The following CSMD1 variants were observed in gnomAD, a reference collection of about 807,000 sequenced individuals.
CSMD1 encodes CUB and sushi domain-containing protein 1.
Under a neutral mutation model 417.5 loss-of-function variants are expected in CSMD1, and 213 were observed. The observed-to-expected ratio is 0.51, with a 90% CI of 0.46 to 0.57. CSMD1 has a LOEUF of 0.57. CSMD1 is among the 20% of genes least tolerant of loss of function. The pLI is 0.00. For synonymous variants in CSMD1, 2,862 were observed against 1,736.8 expected, an observed-to-expected ratio of 1.65 and a Z score of -16.11; for missense variants, 6,923 against 4,529.7, an observed-to-expected ratio of 1.53 and a Z score of -15.17.
At chr8:3,598,812 G>T (rs541633276) in intron 8 of CSMD1, among the ~76,000 whole-genome samples, 1 of 152,290 alleles carries the variant, frequency 6.6e-6, no homozygotes, top group East Asian at 1.9e-4. Flanking sequence ...GCCAGGTGCA[G>T]TGACTCACGC....
chr8:3,342,747 G>A (rs1807741672), intron 23 of CSMD1, among the ~76,000 whole-genome samples: 1 of 152,084 alleles, frequency 6.6e-6, no homozygotes, highest in African/African-American at 2.4e-5. Context: ...TCTTAAAACT[G>A]TTATCTCTGG....
intron 2 of CSMD1, among the ~76,000 whole-genome samples, chr8:4,602,595 A>C (rs888984484): frequency 1.3e-5 from 2 of 152,246 alleles, no homozygotes; most frequent in African/African-American, 4.8e-5. Context: ...ACAAGTAAAG[A>C]AATATTCTAT....
chr8:3,181,123 G>C lies in CSMD1; in HGVS notation c.5712C>G (p.His1904Gln), dbSNP rs768724638. ...AGTTGACCTTACTTTTGTATTCCAG[G>C]TGGAAACCAGCAGCTGCCACACTAA... Reference protein sequence around the residue: ...SDISVAAAGFHLEYKTVGLAA... With the variant: ...SDISVAAAGFQLEYKTVGLAA... Residue 1904 changes from histidine (H) to glutamine (Q), a missense_variant, in exon 37 of 70, where the codon CAC becomes CAG. By Grantham distance (24) the His-to-Gln change is conservative. Transcript: ENST00000635120. 1.9e-6 allele frequency: 3 copies of C among 1,612,908 alleles called. No homozygotes were observed. The highest frequency in any genetic ancestry group is 2.5e-6 in the Non-Finnish European group (3 of 1,179,168).
At chr8:3,012,437 A>C (rs978167476) in intron 52 of CSMD1, among the ~76,000 whole-genome samples, 1 of 152,198 alleles carries the variant, frequency 6.6e-6, no homozygotes, top group African/African-American at 2.4e-5. Context: ...CCATGTTGGA[A>C]GTCACTGGAA....
intron 4 of CSMD1, among the ~76,000 whole-genome samples, chr8:4,005,362 G>C (rs1297008596): frequency 1.3e-5 from 2 of 152,160 alleles, no homozygotes. Flanking sequence ...TGCAGGGGCG[G>C]GTCCGGCTCC....
At chr8:4,994,189 G>T (rs1432751304) in intron 1 of CSMD1, 143 bp downstream of exon 1, 12 of 693,178 alleles carry the variant, frequency 1.7e-5, no homozygotes, top group African/African-American at 5.3e-5. Context: ...CGTGCATCGC[G>T]TTCCCCGAGC....
Position 3,761,692 on chromosome 8 carries a change from G to T in CSMD1, c.819-7650C>A, listed in dbSNP as rs777906118. Among the ~76,000 whole-genome samples, 21 of 151,974 alleles carry T rather than the reference G, an allele frequency of 1.4e-4. 1 individual carries two copies. Among genetic ancestry groups the T allele is most frequent in the Admixed American group, 1.3e-3 (20 of 15,248 alleles). On this transcript the variant is annotated intron_variant, in intron 5 of 69. Transcript: ENST00000635120. ...GGCTAATTTTTGTATTTTTAGTAGA[G>T]ATGAGGTTTCACCATGTTGGCCAGG...
At position 3,507,204 on chromosome 8, in the gene CSMD1, T is replaced by C. The variant is rs531647272; in HGVS notation, c.1345-13478A>G. ...CTCAATTGTGAATCATCATGAAATC[T>C]ATTTTGTAACATTAGGTAACCTATA... On this transcript the variant is annotated intron_variant, in intron 10 of 69. Transcript: ENST00000635120. Among the ~76,000 whole-genome samples the C allele has an allele frequency of 1.1e-4, 17 of 152,336 alleles. No individual in the cohort carries two copies. In the East Asian group the frequency reaches 2.7e-3, roughly 24 times the overall value.
Position 3,998,902 on chromosome 8 carries a change from G to C in CSMD1, c.611-792C>G, listed in dbSNP as rs553309468. The stretch of plus-strand genomic sequence containing the variant: ...TATATAACATATAATCTATATGGTA[G>C]TTTATATATAAATAACAAACTATAT... On this transcript the variant is annotated intron_variant, in intron 4 of 69. Coordinates refer to ENST00000635120, the MANE Select transcript of CSMD1 (RefSeq NM_033225.6). Among the ~76,000 whole-genome samples the C allele has an allele frequency of 8.1e-5, 12 of 148,500 alleles. No individual in the cohort carries two copies. In the South Asian group the frequency reaches 2.6e-3, roughly 32 times the overall value.
At chr8:4,044,827 T>C (rs949487824) in intron 3 of CSMD1, among the ~76,000 whole-genome samples, 2 of 152,166 alleles carry the variant, frequency 1.3e-5, no homozygotes, top group African/African-American at 2.4e-5. Context: ...CCTCGATGAG[T>C]AGCACCCCAG....
At chr8:3,938,247 G>GT (rs1810638664) in intron 5 of CSMD1, among the ~76,000 whole-genome samples, 1 of 151,880 alleles carries the variant, frequency 6.6e-6, no homozygotes. Flanking sequence ...ATGCTTTACT[G>GT]TTTAAAAAAA....
intron 48 of CSMD1, among the ~76,000 whole-genome samples, chr8:3,088,438 A>G (rs976783257): frequency 6.6e-6 from 1 of 152,214 alleles, no homozygotes; most frequent in African/African-American, 2.4e-5. Context: ...AAAAGCACAC[A>G]CACGCAGGTC....
chr8:3,635,812 A>AAAAAAAAAAAAAAAAAAAG (rs1554495065), intron 7 of CSMD1, among the ~76,000 whole-genome samples: 2 of 117,620 alleles, frequency 1.7e-5, no homozygotes, highest in African/African-American at 3.3e-5. Context: ...AAAAAAAAAA[A>AAAAAAAAAAAAAAAAAAAG]AAAGAAAGAA....
intron 46 of CSMD1, among the ~76,000 whole-genome samples, chr8:3,097,387 C>T (rs1434309642): frequency 6.6e-6 from 1 of 152,124 alleles, no homozygotes; most frequent in African/African-American, 2.4e-5. Flanking sequence ...AAGAGTATTA[C>T]AGAAATACAG....
At chr8:3,747,796 G>A (rs1283939191) in intron 6 of CSMD1, among the ~76,000 whole-genome samples, 6 of 152,066 alleles carry the variant, frequency 3.9e-5, no homozygotes, top group Admixed American at 3.9e-4. Flanking sequence ...CAAAAAAAAA[G>A]TCATTGTTTT....
At chr8:3,467,962 T>C (rs1196274073) in intron 12 of CSMD1, among the ~76,000 whole-genome samples, 2 of 152,226 alleles carry the variant, frequency 1.3e-5, no homozygotes, top group East Asian at 1.9e-4. Context: ...CAGATAAATA[T>C]TCTCATTTTT....
intron 2 of CSMD1, among the ~76,000 whole-genome samples, chr8:4,420,766 T>C (rs1797206438): frequency 6.6e-6 from 1 of 152,170 alleles, no homozygotes. Flanking sequence ...GACACAGCTC[T>C]GTGATCCACA....
At chr8:2,981,916 C>T (rs945437571) in intron 54 of CSMD1, among the ~76,000 whole-genome samples, 3 of 152,100 alleles carry the variant, frequency 2.0e-5, no homozygotes, top group Admixed American at 1.3e-4. Flanking sequence ...CCCAGTTGCA[C>T]CCCACCCCTT....
intron 52 of CSMD1, 122 bp downstream of exon 52, chr8:3,018,355 A>T: frequency 1.2e-6 from 1 of 846,706 alleles, no homozygotes; most frequent in South Asian, 2.1e-5. Flanking sequence ...TGGGAGGTGC[A>T]GCATTTCCAC....
Sources: gnomAD v4.1 joint callset for allele counts (sites outside exome capture counted in the v4.1 genomes callset) on GRCh38, gnomAD v4.1.1 for gene constraint, MANE v1.5 for transcripts, NCBI Gene and HGNC (gene_info 2026-07-23, HGNC 2026-07-21) for gene names.